Variants in LRP1B observed in about 807,000 individuals in gnomAD.
LRP1B encodes low-density lipoprotein receptor-related protein 1B.
In LRP1B, 217 loss-of-function variants were observed where a neutral mutation model predicts 556.6. The observed-to-expected ratio is 0.39, with a 90% CI of 0.35 to 0.44. The LOEUF (loss-of-function observed/expected upper bound fraction) is 0.44. LRP1B is among the 20% of genes least tolerant of loss of function. The pLI is 1.00. For synonymous variants in LRP1B, 2,047 were observed against 1,865.8 expected, an observed-to-expected ratio of 1.10 and a Z score of -2.50; for missense variants, 5,053 against 5,620.8, an observed-to-expected ratio of 0.90 and a Z score of 3.23.
chr2:141,627,640 G>A (rs564038590), intron 2 of LRP1B, among the ~76,000 whole-genome samples: 25 of 152,276 alleles, frequency 1.6e-4, no homozygotes, highest in Admixed American at 2.6e-4. Flanking sequence ...AATATAATGC[G>A]TTTGGATCAT....
At chr2:141,674,450 T>A (rs1469953022) in intron 2 of LRP1B, among the ~76,000 whole-genome samples, 1 of 152,102 alleles carries the variant, frequency 6.6e-6, no homozygotes, top group Non-Finnish European at 1.5e-5. Flanking sequence ...ACAAAGATAA[T>A]TGCAGTGATT....
intron 41 of LRP1B, among the ~76,000 whole-genome samples, chr2:140,668,083 C>T (rs75503111): frequency 0.06 from 9,116 of 151,938 alleles, 546 homozygotes; most frequent in East Asian, 0.25. Flanking sequence ...GAGGCCGAGG[C>T]GGGTGGATCA....
intron 66 of LRP1B, among the ~76,000 whole-genome samples, chr2:140,434,315 C>G (rs1229188794): frequency 6.6e-6 from 1 of 151,990 alleles, no homozygotes. Flanking sequence ...GGTGATCCAT[C>G]CACTTCAGCC....
chr2:140,525,414 C>G (rs935616700), intron 49 of LRP1B, among the ~76,000 whole-genome samples: 1 of 151,822 alleles, frequency 6.6e-6, no homozygotes, highest in Non-Finnish European at 1.5e-5. Flanking sequence ...AACTATTACT[C>G]AAATTACTAC....
intron 2 of LRP1B, among the ~76,000 whole-genome samples, chr2:141,740,687 T>A (rs1291573579): frequency 6.6e-6 from 1 of 152,186 alleles, no homozygotes; most frequent in Non-Finnish European, 1.5e-5. Flanking sequence ...TCTTATTCAT[T>A]CTTTCTAGCA....
At chr2:140,458,558 T>C (rs1478520952) in intron 60 of LRP1B, among the ~76,000 whole-genome samples, 1 of 152,128 alleles carries the variant, frequency 6.6e-6, no homozygotes, top group Admixed American at 6.6e-5. Context: ...AAACGTACTA[T>C]TTCTCTGTAC....
At chr2:142,064,806 AAAG>A (rs761751944) in intron 1 of LRP1B, among the ~76,000 whole-genome samples, 1 of 151,656 alleles carries the variant, frequency 6.6e-6, no homozygotes, top group Non-Finnish European at 1.5e-5. Flanking sequence ...ATAAAATAAA[AAAG>A]AAGTATTTAT....
At chr2:142,106,693 A>C (rs1000063366) in intron 1 of LRP1B, among the ~76,000 whole-genome samples, 1 of 152,186 alleles carries the variant, frequency 6.6e-6, no homozygotes, top group Non-Finnish European at 1.5e-5. Context: ...GGAGCAATTT[A>C]ATATGAGGTT....
chr2:140,453,343 A>G (rs1382223784), intron 62 of LRP1B, among the ~76,000 whole-genome samples: 1 of 152,042 alleles, frequency 6.6e-6, no homozygotes, highest in Non-Finnish European at 1.5e-5. Context: ...TCAATATTTT[A>G]TTCTCACAGG....
intron 3 of LRP1B, among the ~76,000 whole-genome samples, chr2:141,454,129 AT>A (rs970262714): frequency 2.2e-4 from 33 of 152,252 alleles, no homozygotes; most frequent in African/African-American, 7.5e-4. Flanking sequence ...TTGGCATTTA[AT>A]TTTTGTCTTA....
intron 2 of LRP1B, among the ~76,000 whole-genome samples, chr2:141,706,659 G>A (rs1204711444): frequency 6.6e-6 from 1 of 151,994 alleles, no homozygotes; most frequent in Non-Finnish European, 1.5e-5. Context: ...AAGGCAGAAA[G>A]CAATGTGATC....
intron 3 of LRP1B, among the ~76,000 whole-genome samples, chr2:141,477,782 C>T (rs1682768752): frequency 6.6e-6 from 1 of 152,046 alleles, no homozygotes; most frequent in South Asian, 2.1e-4. Flanking sequence ...GTGAAAAACC[C>T]TCCACTGAGG....
chr2:140,742,990 A>T (rs565452352), intron 35 of LRP1B, among the ~76,000 whole-genome samples: 1 of 152,198 alleles, frequency 6.6e-6, no homozygotes, highest in Non-Finnish European at 1.5e-5. Flanking sequence ...AATAAACATA[A>T]ACTAATTAAA....
At chr2:141,891,439 A>C (rs919952449) in intron 1 of LRP1B, among the ~76,000 whole-genome samples, 2 of 152,154 alleles carry the variant, frequency 1.3e-5, no homozygotes, top group Non-Finnish European at 2.9e-5. Flanking sequence ...TCACTCATAC[A>C]TTCCTCCATT....
intron 2 of LRP1B, among the ~76,000 whole-genome samples, chr2:141,723,925 G>A (rs893555466): frequency 3.3e-5 from 5 of 151,662 alleles, no homozygotes; most frequent in Non-Finnish European, 7.4e-5. Context: ...ACACTAATCA[G>A]GCCAAGTGAT....
intron 15 of LRP1B, 102 bp downstream of exon 15, chr2:141,005,233 A>C (rs1697537026): frequency 7.8e-7 from 1 of 1,285,940 alleles, no homozygotes; most frequent in African/African-American, 1.5e-5. Context: ...AATTATCTGA[A>C]TTTCTCTTTC....
chr2:140,471,271 T>C (rs912026074), intron 60 of LRP1B, among the ~76,000 whole-genome samples: 1 of 152,088 alleles, frequency 6.6e-6, no homozygotes, highest in Admixed American at 6.6e-5. Flanking sequence ...TGAAATGCCT[T>C]TTAGGGAAGG....
At chr2:141,336,568 T>C (rs542287266) in intron 3 of LRP1B, among the ~76,000 whole-genome samples, 55 of 152,346 alleles carry the variant, frequency 3.6e-4, no homozygotes, top group African/African-American at 1.3e-3. Flanking sequence ...ATTTTTGTTT[T>C]TTAAATTATA....
At chr2:140,291,506 T>C (rs928976717) in intron 84 of LRP1B, among the ~76,000 whole-genome samples, 12 of 151,316 alleles carry the variant, frequency 7.9e-5, no homozygotes, top group Non-Finnish European at 1.5e-4. Flanking sequence ...TTCCCCTTCC[T>C]GTGTCCATGT....
Sources: allele counts gnomAD v4.1 joint callset (sites outside exome capture counted in the v4.1 genomes callset), GRCh38; gene constraint gnomAD v4.1.1; transcripts MANE v1.5; gene names NCBI Gene and HGNC (gene_info 2026-07-23, HGNC 2026-07-21).